The following SMC2 variants were observed in gnomAD, a reference collection of about 807,000 sequenced individuals.
The protein encoded by SMC2 is structural maintenance of chromosomes 2.
In SMC2, 41 loss-of-function variants were observed where a neutral mutation model predicts 142.6. The ratio of observed to expected loss-of-function variants is 0.29; its 90% CI spans 0.22 to 0.37. The LOEUF (loss-of-function observed/expected upper bound fraction) is 0.37, where lower values mean the gene tolerates loss of function less well. Among genes scored for constraint, SMC2 ranks in the 10% least tolerant of loss-of-function variants. The pLI is 1.00. For synonymous variants in SMC2, 463 were observed against 457.5 expected (o/e 1.01, Z -0.15); for missense variants, 1,265 against 1,373.7 (o/e 0.92, Z 1.25).
chr9:104,131,872 G>C, intron 21 of SMC2, 137 bp from the exon 22 acceptor site: 1 of 563,492 alleles, frequency 1.8e-6, no homozygotes, highest in South Asian at 2.1e-5. Flanking sequence ...ATAATTCTTA[G>C]TGCATTATAT....
intron 4 of SMC2, 121 bp downstream of exon 4, chr9:104,098,689 G>A: frequency 2.2e-6 from 2 of 923,408 alleles, no homozygotes; most frequent in Non-Finnish European, 3.2e-6. Flanking sequence ...CTATTGTGCT[G>A]TGTCCGGCCA....
At chr9:104,114,577 G>T (rs1832868355) in intron 12 of SMC2, 114 bp from the exon 13 acceptor site, 3 of 955,354 alleles carry the variant, frequency 3.1e-6, no homozygotes, top group Admixed American at 5.8e-5. Flanking sequence ...CCATTTTGCT[G>T]ATTCTACTTT....
chr9:104,092,848 T>G (rs1206386799), upstream of SMC2: 1 of 152,242 alleles, frequency 6.6e-6, no homozygotes, highest in Non-Finnish European at 1.5e-5. Context: ...CGCTATGGTC[T>G]AAATGTGTCC....
Position 104,116,226 on chromosome 9 carries a change from G to A in SMC2, c.1698G>A (p.Arg566=). The A allele has an allele frequency of 6.2e-7, 1 of 1,603,148 alleles. No homozygotes were observed. The part of the protein sequence containing the change: ...TEVTGKKLLE[R]GELKRRYTII... ...TTACTGGTAAAAAGCTACTAGAAAG[G>A]GGGGAACTGAAACGTCGATACACTA... Residue 566 remains arginine, a synonymous_variant, in exon 14 of 25, where the codon AGG becomes AGA. Transcript: ENST00000374793.
chr9:104,113,496 TAATC>T (rs1427151377), intron 11 of SMC2, 21 bp downstream of exon 11: 10 of 1,572,472 alleles, frequency 6.4e-6, no homozygotes, highest in East Asian at 2.3e-5. Context: ...AAAAACATGA[TAATC>T]AGATCATGAG....
intron 19 of SMC2, 22 bp downstream of exon 19, chr9:104,126,806 C>T (rs6479218): frequency 7.0e-6 from 11 of 1,575,476 alleles, no homozygotes; most frequent in Middle Eastern, 1.7e-4. Flanking sequence ...TTATCAAATT[C>T]GAGAAATTGA....
chr9:104,112,394 C>A (rs79270913), intron 10 of SMC2, among the ~76,000 whole-genome samples: 9,199 of 152,244 alleles, frequency 0.06, 747 homozygotes, highest in African/African-American at 0.19. Flanking sequence ...GTGCAACTTA[C>A]AGTCCTATGA....
At chr9:104,119,839 C>T (rs755706303) in intron 15 of SMC2, among the ~76,000 whole-genome samples, 188 bp from the exon 16 acceptor site, 11 of 152,178 alleles carry the variant, frequency 7.2e-5, no homozygotes, top group Non-Finnish European at 1.3e-4. Context: ...CTACTACAAC[C>T]TCTTGGATCT....
At chr9:104,135,434 A>G (rs778969878) in intron 23 of SMC2, among the ~76,000 whole-genome samples, 2 of 152,170 alleles carry the variant, frequency 1.3e-5, no homozygotes, top group Non-Finnish European at 2.9e-5. Flanking sequence ...AAAACTGGAG[A>G]AAGAAAAAAC....
intron 24 of SMC2, among the ~76,000 whole-genome samples, chr9:104,138,718 T>C (rs1399102297): frequency 1.3e-5 from 2 of 152,206 alleles, no homozygotes; most frequent in East Asian, 3.8e-4. Context: ...TGTGTATTTA[T>C]TATAGCAGTG....
intron 20 of SMC2, among the ~76,000 whole-genome samples, chr9:104,129,268 C>T (rs568434414): frequency 2.0e-5 from 3 of 152,074 alleles, no homozygotes; most frequent in Admixed American, 6.6e-5. Context: ...TTTGGGAGGC[C>T]GAGGTTGGCA....
intron 23 of SMC2, among the ~76,000 whole-genome samples, chr9:104,136,550 T>TACCACTATC (rs1422237731): frequency 2.0e-5 from 3 of 152,084 alleles, no homozygotes; most frequent in African/African-American, 7.2e-5. Flanking sequence ...TTTTTAGATA[T>TACCACTATC]ACCACTATCC....
At chr9:104,123,397 T>C in intron 17 of SMC2, 165 bp downstream of exon 17, 1 of 513,524 alleles carries the variant, frequency 1.9e-6, no homozygotes, top group South Asian at 4.8e-5. Flanking sequence ...GTCATTTTCA[T>C]CTTTATTGTA....
intron 9 of SMC2, among the ~76,000 whole-genome samples, chr9:104,110,026 A>G (rs751000902): frequency 6.6e-6 from 1 of 152,224 alleles, no homozygotes; most frequent in South Asian, 2.1e-4. Flanking sequence ...GGTGAGCTCA[A>G]GTAAACTCAG....
chr9:104,139,851 T>C lies in SMC2; in HGVS notation c.*536T>C, dbSNP rs1225301783. ...TCCAGACCCCTGATTTAGACTGAGA[T>C]AGGAAACAGATCTTGAAAGAATCCT... is the stretch of plus-strand genomic sequence containing the variant. On this transcript the variant is annotated 3_prime_UTR_variant, in exon 25 of 25. Coordinates refer to ENST00000374793, the MANE Select transcript of SMC2 (RefSeq NM_006444.3). The C allele has an allele frequency of 2.0e-5, 3 of 152,184 alleles. No individual in the cohort carries two copies. Among genetic ancestry groups the C allele is most frequent in the African/African-American group, 4.8e-5 (2 of 41,412 alleles). 9.4% of individuals were successfully genotyped at this position (152,184 alleles called of 1,614,324 possible). A position where few individuals can be genotyped will look rare whatever the true frequency, so the allele number is the denominator to read the frequency against.
chr9:104,105,984 TCATAGGGATTGGGCTATG>T (rs1298526715), intron 9 of SMC2, among the ~76,000 whole-genome samples: 1 of 152,190 alleles, frequency 6.6e-6, no homozygotes, highest in Non-Finnish European at 1.5e-5. Flanking sequence ...TCCCAAGCTA[TCATAGGGATTGGGCTATG>T]CATTGCAGTG....
intron 22 of SMC2, among the ~76,000 whole-genome samples, chr9:104,133,688 T>A (rs1175553400): frequency 1.3e-5 from 2 of 152,090 alleles, no homozygotes; most frequent in African/African-American, 4.8e-5. Context: ...AAAATTACCC[T>A]ATTACAAGCT....
intron 18 of SMC2, among the ~76,000 whole-genome samples, chr9:104,125,431 G>A (rs2417488): frequency 0.057 from 8,631 of 152,168 alleles, 658 homozygotes; most frequent in African/African-American, 0.18. Context: ...CTGAAGTCTG[G>A]AAGACTTCTG....
intron 19 of SMC2, 98 bp downstream of exon 19, chr9:104,126,882 C>A: frequency 8.4e-7 from 1 of 1,196,930 alleles, no homozygotes; most frequent in Non-Finnish European, 1.2e-6. Context: ...AGTCTTTTCA[C>A]TCGTCATCAT....
Sources: allele counts gnomAD v4.1 joint callset (sites outside exome capture counted in the v4.1 genomes callset), GRCh38; gene constraint gnomAD v4.1.1; transcripts MANE v1.5; gene names NCBI Gene and HGNC (gene_info 2026-07-23, HGNC 2026-07-21).